Variants in MDGA2 observed in about 807,000 individuals in gnomAD.
The protein encoded by MDGA2 is MAM domain containing glycosylphosphatidylinositol anchor 2, also known as MAM domain-containing glycosylphosphatidylinositol anchor protein 2.
A neutral mutation model predicts 117.8 loss-of-function variants in MDGA2; 40 were observed. The observed-to-expected ratio is 0.34, with a 90% CI of 0.26 to 0.44. The LOEUF is 0.44. Among genes scored for constraint, MDGA2 ranks in the 20% least tolerant of loss-of-function variants. The pLI is 1.00. For missense variants in MDGA2, 1,123 were observed against 1,250.6 expected, an observed-to-expected ratio of 0.90 and a Z score of 1.54; for synonymous variants, 452 against 439.0, an observed-to-expected ratio of 1.03 and a Z score of -0.37.
intron 1 of MDGA2, among the ~76,000 whole-genome samples, chr14:47,323,089 C>T (rs748529130): frequency 1.4e-5 from 2 of 144,382 alleles, no homozygotes; most frequent in African/African-American, 2.6e-5. Context: ...ACTAACCACC[C>T]ATTTTCCTGG....
chr14:47,182,362 T>C (rs7145125), intron 3 of MDGA2, among the ~76,000 whole-genome samples: 9,697 of 152,108 alleles, frequency 0.064, 369 homozygotes, highest in Non-Finnish European at 0.065. Flanking sequence ...TATTTGGAAA[T>C]AGGGTCTTTA....
chr14:47,338,336 C>T (rs1031569970), intron 1 of MDGA2, among the ~76,000 whole-genome samples: 2 of 151,542 alleles, frequency 1.3e-5, no homozygotes, highest in African/African-American at 2.4e-5. Context: ...TATTATGCCA[C>T]GGGAGAGAAG....
intron 9 of MDGA2, among the ~76,000 whole-genome samples, chr14:46,940,367 G>A (rs895428408): frequency 2.0e-4 from 31 of 152,054 alleles, no homozygotes; most frequent in African/African-American, 7.5e-4. Flanking sequence ...GGTGGCTCAC[G>A]CCTGTAATCC....
At chr14:47,572,714 G>A (rs1372395914) in intron 1 of MDGA2, among the ~76,000 whole-genome samples, 2 of 152,108 alleles carry the variant, frequency 1.3e-5, no homozygotes, top group East Asian at 3.9e-4. Context: ...TTCTGGGAAG[G>A]CAACTAGCTG....
chr14:46,919,018 T>C (rs1409261480), intron 10 of MDGA2, among the ~76,000 whole-genome samples: 2 of 152,122 alleles, frequency 1.3e-5, no homozygotes, highest in African/African-American at 4.8e-5. Context: ...CGCCTCGGCC[T>C]CCTAAAGTGC....
At chr14:47,547,670 CT>C (rs1369405006) in intron 1 of MDGA2, among the ~76,000 whole-genome samples, 8 of 152,190 alleles carry the variant, frequency 5.3e-5, no homozygotes, top group African/African-American at 1.9e-4. Flanking sequence ...TTATAAACTT[CT>C]TTCAAAGCCT....
At chr14:47,339,964 T>C (rs1461176560) in intron 1 of MDGA2, among the ~76,000 whole-genome samples, 2 of 152,142 alleles carry the variant, frequency 1.3e-5, no homozygotes. Context: ...TTTCAACAAA[T>C]TCAGACTTAC....
rs568041277 is a variant in MDGA2, at chr14:47,128,977, C to T, written c.925+2737G>A. Among the ~76,000 whole-genome samples the T allele has an allele frequency of 2.0e-5, 3 of 152,230 alleles. No individual in the cohort carries two copies. In the East Asian group the frequency reaches 5.8e-4, roughly 29 times the overall value. ...GTGCTGGGATTACAGGAGTGAGCCACCGTGCCCAGCCTCCATCAACTATTT... is the reference window on the plus strand; with the variant it reads ...GTGCTGGGATTACAGGAGTGAGCCATCGTGCCCAGCCTCCATCAACTATTT... On this transcript the variant is annotated intron_variant, in intron 5 of 16. Transcript: ENST00000399232.
intron 2 of MDGA2, among the ~76,000 whole-genome samples, chr14:47,247,796 C>T (rs1431643139): frequency 6.6e-6 from 1 of 151,080 alleles, no homozygotes; most frequent in Non-Finnish European, 1.5e-5. Flanking sequence ...TCTCCTAGCA[C>T]CCCCCACTCC....
chr14:47,176,372 G>A (rs1884448921), intron 3 of MDGA2, among the ~76,000 whole-genome samples: 1 of 152,166 alleles, frequency 6.6e-6, no homozygotes, highest in Non-Finnish European at 1.5e-5. Flanking sequence ...AACAAAGCTG[G>A]AGGCATCACG....
intron 6 of MDGA2, among the ~76,000 whole-genome samples, chr14:47,083,161 T>A (rs1423484425): frequency 6.6e-6 from 1 of 151,830 alleles, no homozygotes; most frequent in Non-Finnish European, 1.5e-5. Flanking sequence ...AAAGTAAATA[T>A]CTGCAGAAAT....
intron 8 of MDGA2, among the ~76,000 whole-genome samples, chr14:46,963,678 T>C (rs2055504747): frequency 6.6e-6 from 1 of 152,218 alleles, no homozygotes; most frequent in African/African-American, 2.4e-5. Context: ...TGATGACAAG[T>C]TAGTAAAGTA....
At chr14:47,577,057 A>G (rs1265289920) in intron 1 of MDGA2, among the ~76,000 whole-genome samples, 1 of 152,134 alleles carries the variant, frequency 6.6e-6, no homozygotes, top group African/African-American at 2.4e-5. Flanking sequence ...AGCCTAGACT[A>G]TTCTTAAAGA....
intron 1 of MDGA2, among the ~76,000 whole-genome samples, chr14:47,658,872 C>G (rs532404397): frequency 6.6e-6 from 1 of 152,254 alleles, no homozygotes; most frequent in African/African-American, 2.4e-5. Context: ...AGGTCCATCC[C>G]AACTCTACAG....
At chr14:47,296,256 A>G (rs1440842056) in intron 2 of MDGA2, among the ~76,000 whole-genome samples, 1 of 152,212 alleles carries the variant, frequency 6.6e-6, no homozygotes, top group Non-Finnish European at 1.5e-5. Flanking sequence ...AAAAATGGAT[A>G]TAAGGAGATC....
chr14:47,221,238 G>A (rs1886287861), intron 2 of MDGA2, among the ~76,000 whole-genome samples: 1 of 152,166 alleles, frequency 6.6e-6, no homozygotes, highest in Admixed American at 6.5e-5. Context: ...GAAAGGAAAG[G>A]AGAGAAAAAA....
At chr14:47,468,308 G>T (rs1461970262) in intron 1 of MDGA2, among the ~76,000 whole-genome samples, 1 of 152,046 alleles carries the variant, frequency 6.6e-6, no homozygotes, top group Non-Finnish European at 1.5e-5. Context: ...TTCTTTATGG[G>T]AGTTAAAAAC....
chr14:47,529,707 A>G (rs1019976690), intron 1 of MDGA2, among the ~76,000 whole-genome samples: 2 of 152,214 alleles, frequency 1.3e-5, no homozygotes, highest in Non-Finnish European at 2.9e-5. Context: ...CATACTGAGA[A>G]TGGTCAGCTA....
chr14:47,188,664 C>T (rs1291587502), intron 3 of MDGA2, among the ~76,000 whole-genome samples: 1 of 152,124 alleles, frequency 6.6e-6, no homozygotes, highest in African/African-American at 2.4e-5. Flanking sequence ...AGATTCTCTT[C>T]TTAGGAAAAT....
Sources: allele counts gnomAD v4.1 joint callset (sites outside exome capture counted in the v4.1 genomes callset), GRCh38; gene constraint gnomAD v4.1.1; transcripts MANE v1.5; gene names NCBI Gene and HGNC (gene_info 2026-07-23, HGNC 2026-07-21).